The following CNTN4 variants were observed in gnomAD, a reference collection of about 807,000 sequenced individuals.
The protein encoded by CNTN4 is contactin 4, also known as contactin-4.
CNTN4 carries 77 observed loss-of-function variants against 122.5 expected under a neutral mutation model. The observed-to-expected ratio is 0.63, with a 90% CI of 0.52 to 0.76. The LOEUF is 0.76. Ranked by LOEUF, CNTN4 falls within the 30% of genes least tolerant of loss-of-function variation. The pLI is 0.00. For synonymous variants in CNTN4, 512 were observed against 447.0 expected (o/e 1.15, Z -1.83); for missense variants, 1,256 against 1,259.1 (o/e 1.00, Z 0.04).
intron 3 of CNTN4, among the ~76,000 whole-genome samples, chr3:2,365,687 A>C (rs1024194536): frequency 6.6e-6 from 1 of 152,166 alleles, no homozygotes; most frequent in African/African-American, 2.4e-5. Flanking sequence ...TTTTGTGTGA[A>C]TATCTTGCAA....
chr3:2,686,891 A>C (rs2150546357), intron 4 of CNTN4, among the ~76,000 whole-genome samples: 1 of 152,308 alleles, frequency 6.6e-6, no homozygotes, highest in Admixed American at 6.5e-5. Flanking sequence ...AACAGTGTAC[A>C]AATCATTGCC....
At chr3:3,018,856 A>G (rs1011018686) in intron 14 of CNTN4, among the ~76,000 whole-genome samples, 2 of 152,164 alleles carry the variant, frequency 1.3e-5, no homozygotes, top group Non-Finnish European at 2.9e-5. Context: ...GGACTATTGC[A>G]GGAAAAAAAG....
intron 3 of CNTN4, among the ~76,000 whole-genome samples, chr3:2,373,891 G>T (rs564789709): frequency 4.8e-4 from 73 of 152,202 alleles, no homozygotes; most frequent in Non-Finnish European, 8.8e-5. Flanking sequence ...GCAACAGCAC[G>T]GAATGGCATT....
chr3:2,414,067 C>T (rs2047324755), intron 3 of CNTN4, among the ~76,000 whole-genome samples: 1 of 152,080 alleles, frequency 6.6e-6, no homozygotes, highest in South Asian at 2.1e-4. Context: ...GGGGACAGTG[C>T]CTCCAGCATA....
chr3:2,499,966 C>T (rs574594506), intron 3 of CNTN4, among the ~76,000 whole-genome samples: 3 of 152,076 alleles, frequency 2.0e-5, no homozygotes, highest in East Asian at 1.9e-4. Context: ...GAATTTTGTA[C>T]TGAAGTATTT....
chr3:2,584,812 C>T (rs1414448094), intron 4 of CNTN4, among the ~76,000 whole-genome samples: 2 of 151,478 alleles, frequency 1.3e-5, no homozygotes, highest in Non-Finnish European at 2.9e-5. Flanking sequence ...AAGCTTGATG[C>T]CTATTTTGTT....
At chr3:2,672,082 G>A (rs1576411708) in intron 4 of CNTN4, among the ~76,000 whole-genome samples, 1 of 152,232 alleles carries the variant, frequency 6.6e-6, no homozygotes, top group Admixed American at 6.5e-5. Flanking sequence ...TGAGGAGGCA[G>A]TCTGTCTGTT....
At chr3:2,490,613 C>A (rs2076288642) in intron 3 of CNTN4, among the ~76,000 whole-genome samples, 1 of 152,094 alleles carries the variant, frequency 6.6e-6, no homozygotes, top group Admixed American at 6.5e-5. Context: ...TATATTTGTG[C>A]ACTAAGCAAC....
chr3:2,853,013 G>T (rs2093571151), intron 7 of CNTN4, among the ~76,000 whole-genome samples: 1 of 152,180 alleles, frequency 6.6e-6, no homozygotes, highest in African/African-American at 2.4e-5. Context: ...GTACCAGATG[G>T]ATAGGAAATT....
chr3:3,039,168 C>T (rs1020362084), intron 19 of CNTN4, 165 bp downstream of exon 19: 11 of 654,432 alleles, frequency 1.7e-5, no homozygotes, highest in East Asian at 2.8e-5. Context: ...GCAGGAAGGA[C>T]GGCACTTGCC....
intron 2 of CNTN4, among the ~76,000 whole-genome samples, chr3:2,247,278 T>C (rs2040193621): frequency 6.6e-6 from 1 of 152,014 alleles, no homozygotes; most frequent in South Asian, 2.1e-4. Context: ...ACCTATTAAA[T>C]CATCAGATGC....
intron 3 of CNTN4, among the ~76,000 whole-genome samples, chr3:2,428,703 G>C (rs2151177367): frequency 6.6e-6 from 1 of 152,246 alleles, no homozygotes; most frequent in South Asian, 2.1e-4. Flanking sequence ...GTCACTTTCA[G>C]GTACACCAAT....
chr3:2,653,587 T>C (rs1171520044), intron 4 of CNTN4, among the ~76,000 whole-genome samples: 1 of 152,210 alleles, frequency 6.6e-6, no homozygotes, highest in African/African-American at 2.4e-5. Flanking sequence ...CTGATGTAGA[T>C]CTAGTCATTT....
intron 3 of CNTN4, among the ~76,000 whole-genome samples, chr3:2,422,628 T>C (rs2047657679): frequency 2.0e-5 from 3 of 152,346 alleles, no homozygotes; most frequent in African/African-American, 7.2e-5. Flanking sequence ...CTGGTCTGGA[T>C]GGGTTACAAG....
At chr3:2,389,003 C>A (rs902772348) in intron 3 of CNTN4, among the ~76,000 whole-genome samples, 1 of 150,198 alleles carries the variant, frequency 6.7e-6, no homozygotes, top group African/African-American at 2.5e-5. Flanking sequence ...GCTAAAAATA[C>A]AAAAAAAATT....
rs946690381 is a variant in CNTN4, at chr3:2,866,416, G to A, written c.455-336G>A. On this transcript the variant is annotated intron_variant, in intron 7 of 24. Transcript: ENST00000418658. ...TCAAGATTATAGGCACCCTGGGTCT[G>A]TAATTTGAGCATTACTCAATACATG... is the stretch of plus-strand genomic sequence containing the variant. 13 of 1,120,478 alleles carry A rather than the reference G, an allele frequency of 1.2e-5. No individual in the cohort carries two copies. In the African/African-American group the frequency reaches 1.8e-4, roughly 15 times the overall value. The allele number at this position is 1,120,478 out of a possible 1,614,324, so 69.4% of individuals were successfully genotyped here. A position where few individuals can be genotyped will look rare whatever the true frequency, so the allele number is the denominator to read the frequency against.
chr3:2,975,904 G>A (rs994648564), intron 13 of CNTN4, among the ~76,000 whole-genome samples: 3 of 152,032 alleles, frequency 2.0e-5, no homozygotes, highest in African/African-American at 7.2e-5. Context: ...ATGCCTTATG[G>A]AATTATGTTG....
chr3:2,640,733 T>C (rs1333845703), intron 4 of CNTN4, among the ~76,000 whole-genome samples: 1 of 152,168 alleles, frequency 6.6e-6, no homozygotes, highest in Admixed American at 6.5e-5. Flanking sequence ...TCAGAAATAC[T>C]AACATCACTA....
At position 2,951,720 on chromosome 3, in the gene CNTN4, C is replaced by T. The variant is rs148348395; in HGVS notation, c.1358+25941C>T. Among the ~76,000 whole-genome samples, 71 of 152,296 alleles carry T rather than the reference C, an allele frequency of 4.7e-4. 1 individual carries two copies. Among genetic ancestry groups the T allele is most frequent in the African/African-American group, 1.7e-3 (70 of 41,552 alleles). ...TATCAGAAAAACAAAGGTGGCTCAT[C>T]TCTCCACAGTAGTTTCACTGGTGAT... On this transcript the variant is annotated intron_variant, in intron 13 of 24. Coordinates refer to ENST00000418658, the MANE Select transcript of CNTN4 (RefSeq NM_175607.3).
Sources: allele counts gnomAD v4.1 joint callset (sites outside exome capture counted in the v4.1 genomes callset), GRCh38; gene constraint gnomAD v4.1.1; transcripts MANE v1.5; gene names NCBI Gene and HGNC (gene_info 2026-07-23, HGNC 2026-07-21).